The following LYRM4 variants were observed in gnomAD, a reference collection of about 807,000 sequenced individuals.
LYRM4 encodes LYR motif-containing protein 4.
LYRM4 carries 9 observed loss-of-function variants against 11.7 expected under a neutral mutation model. The ratio of observed to expected loss-of-function variants is 0.77; its 90% CI spans 0.46 to 1.34. The LOEUF is 1.34. Ranked by LOEUF, LYRM4 falls within the 40% of genes most tolerant of loss-of-function variation. LYRM4 has a pLI of 0.00. For missense variants in LYRM4, 133 were observed against 112.5 expected, an observed-to-expected ratio of 1.18 and a Z score of -0.82; for synonymous variants, 42 against 40.4, an observed-to-expected ratio of 1.04 and a Z score of -0.15.
At chr6:5,137,325 C>T (rs1288892815) in intron 2 of LYRM4, among the ~76,000 whole-genome samples, 1 of 152,140 alleles carries the variant, frequency 6.6e-6, no homozygotes, top group Non-Finnish European at 1.5e-5. Context: ...TTTGTGTGGA[C>T]ACGTTTTCAT....
chr6:5,094,965 AAGT>A, the LYRM4 span, among the ~76,000 whole-genome samples: 1 of 152,198 alleles, frequency 6.6e-6, no homozygotes, highest in African/African-American at 2.4e-5. Flanking sequence ...GTGTATTTAA[AAGT>A]AGCCAGAAGA....
chr6:5,062,028 G>T, the LYRM4 span, among the ~76,000 whole-genome samples: 14 of 149,924 alleles, frequency 9.3e-5, no homozygotes, highest in African/African-American at 3.4e-4. Context: ...CTATTCTCCT[G>T]GCTTAAAATA....
chr6:5,123,498 G>C (rs1051017579), intron 2 of LYRM4, among the ~76,000 whole-genome samples: 1 of 152,208 alleles, frequency 6.6e-6, no homozygotes, highest in Non-Finnish European at 1.5e-5. Context: ...AGCACTTCTG[G>C]GGGAAGGGGA....
intron 2 of LYRM4, among the ~76,000 whole-genome samples, chr6:5,213,959 A>C (rs750600435): frequency 2.0e-5 from 3 of 152,230 alleles, no homozygotes; most frequent in Non-Finnish European, 2.9e-5. Context: ...TGCAGTTTGC[A>C]TTAGGCACTG....
chr6:5,053,393 G>A, the LYRM4 span, among the ~76,000 whole-genome samples: 1 of 152,052 alleles, frequency 6.6e-6, no homozygotes, highest in Non-Finnish European at 1.5e-5. Flanking sequence ...CATGAATATG[G>A]GGCTGGGGAG....
chr6:5,250,724 C>T (rs200626513), intron 1 of LYRM4, among the ~76,000 whole-genome samples: 6 of 88,192 alleles, frequency 6.8e-5, no homozygotes, highest in Non-Finnish European at 1.1e-4. Context: ...TCAGAACAAA[C>T]GTAAGAACTG....
At chr6:5,121,431 C>A (rs1187708039) in intron 2 of LYRM4, among the ~76,000 whole-genome samples, 3 of 152,198 alleles carry the variant, frequency 2.0e-5, no homozygotes, top group Non-Finnish European at 4.4e-5. Context: ...ACGGCTACCT[C>A]CCCGACCCCT....
At chr6:5,078,102 A>G in the LYRM4 span, among the ~76,000 whole-genome samples, 5 of 152,254 alleles carry the variant, frequency 3.3e-5, no homozygotes, top group Non-Finnish European at 7.3e-5. Flanking sequence ...TCAAGTAAAC[A>G]TAAGTAAAGC....
At chr6:5,111,963 C>A (rs539193799) in intron 2 of LYRM4, among the ~76,000 whole-genome samples, 1 of 152,312 alleles carries the variant, frequency 6.6e-6, no homozygotes, top group African/African-American at 2.4e-5. Context: ...TGTGAGATCC[C>A]CAACCAGTAC....
intron 2 of LYRM4, chr6:5,136,246 A>T (rs1343354748): frequency 2.1e-6 from 2 of 970,008 alleles, no homozygotes; most frequent in Admixed American, 1.2e-4. Context: ...TCTGGGGTAT[A>T]TACTGAGAAA....
intron 1 of LYRM4, among the ~76,000 whole-genome samples, chr6:5,220,020 G>A (rs1762494175): frequency 6.6e-6 from 1 of 152,192 alleles, no homozygotes; most frequent in African/African-American, 2.4e-5. Flanking sequence ...AAGCTTGGCA[G>A]TTTCTTGGTG....
At chr6:5,085,781 TGCA>T in the LYRM4 span, 8 of 1,532,778 alleles carry the variant, frequency 5.2e-6, no homozygotes, top group Admixed American at 2.0e-5. Context: ...GCCAAGTTCC[TGCA>T]GCAGCAGCAG....
At chr6:5,168,735 T>C (rs1404730242) in intron 2 of LYRM4, among the ~76,000 whole-genome samples, 2 of 152,192 alleles carry the variant, frequency 1.3e-5, no homozygotes, top group African/African-American at 2.4e-5. Flanking sequence ...ATAGTATTAC[T>C]GCATCATTGA....
chr6:5,125,736 C>A (rs917297988), intron 2 of LYRM4, among the ~76,000 whole-genome samples: 6 of 152,336 alleles, frequency 3.9e-5, no homozygotes, highest in African/African-American at 1.4e-4. Flanking sequence ...AGGGACTCAG[C>A]TCTTTTTAGG....
chr6:5,160,369 C>T (rs1174175661), intron 2 of LYRM4, among the ~76,000 whole-genome samples: 1 of 152,086 alleles, frequency 6.6e-6, no homozygotes, highest in Non-Finnish European at 1.5e-5. Flanking sequence ...TATGGTTTGG[C>T]TGTTTCCCCA....
the LYRM4 span, among the ~76,000 whole-genome samples, chr6:5,075,895 T>G: frequency 2.6e-5 from 4 of 151,718 alleles, no homozygotes; most frequent in Non-Finnish European, 5.9e-5. Flanking sequence ...TCCCACTTCA[T>G]ACACCTTAGC....
At chr6:5,172,543 TCTCGTGTTCTCACATC>T (rs1476472119) in intron 2 of LYRM4, among the ~76,000 whole-genome samples, 1 of 152,104 alleles carries the variant, frequency 6.6e-6, no homozygotes, top group African/African-American at 2.4e-5. Flanking sequence ...GGACTGAGCA[TCTCGTGTTCTCACATC>T]CTGGACCTGT....
the LYRM4 span, among the ~76,000 whole-genome samples, chr6:5,092,696 C>T: frequency 9.4e-4 from 137 of 146,266 alleles, no homozygotes; most frequent in African/African-American, 3.2e-3. Context: ...CTGGCCTGGG[C>T]GACAGACAGA....
chr6:5,235,941 G>C (rs1242981581), intron 1 of LYRM4, among the ~76,000 whole-genome samples: 2 of 152,114 alleles, frequency 1.3e-5, no homozygotes, highest in African/African-American at 4.8e-5. Flanking sequence ...CCTAGAATAA[G>C]AAAGAAATGT....
Sources: allele counts gnomAD v4.1 joint callset (sites outside exome capture counted in the v4.1 genomes callset), GRCh38; gene constraint gnomAD v4.1.1; transcripts MANE v1.5; gene names NCBI Gene and HGNC (gene_info 2026-07-23, HGNC 2026-07-21).